WDR88: variants seen among roughly 807,000 people sequenced by gnomAD.
The protein encoded by WDR88 is WD repeat domain 88.
WDR88 carries 40 observed loss-of-function variants against 46.8 expected under a neutral mutation model. The observed-to-expected ratio is 0.86, with a 90% confidence interval of 0.66 to 1.11. WDR88 has a LOEUF of 1.11. WDR88 is among the 50% of genes most tolerant of loss of function. The pLI, the probability that WDR88 is intolerant of heterozygous loss-of-function variation, is 0.00. For synonymous variants in WDR88, 235 were observed against 240.7 expected, an observed-to-expected ratio of 0.98 and a Z score of 0.22; for missense variants, 562 against 602.4, an observed-to-expected ratio of 0.93 and a Z score of 0.70.
chr19:33,147,340 C>T (rs573932347), intron 3 of WDR88, among the ~76,000 whole-genome samples: 3 of 152,146 alleles, frequency 2.0e-5, no homozygotes, highest in South Asian at 4.2e-4. Context: ...CGGTGGTTCA[C>T]GCCTATAATA....
At chr19:33,161,445 TTCACGATC>T (rs1368591676) in intron 8 of WDR88, among the ~76,000 whole-genome samples, 5 of 152,098 alleles carry the variant, frequency 3.3e-5, no homozygotes, top group Admixed American at 6.6e-5. Flanking sequence ...ACTCCCTGGT[TTCACGATC>T]TCACTGTCAC....
intron 9 of WDR88, among the ~76,000 whole-genome samples, chr19:33,169,638 C>T (rs1035318680): frequency 3.1e-5 from 4 of 129,352 alleles, no homozygotes; most frequent in African/African-American, 1.2e-4. Context: ...TTGTGCCTGA[C>T]TGATGGTGAC....
intron 1 of WDR88, among the ~76,000 whole-genome samples, chr19:33,134,735 C>T (rs1041196342): frequency 6.6e-6 from 1 of 152,162 alleles, no homozygotes; most frequent in African/African-American, 2.4e-5. Context: ...CAGCTCTCCA[C>T]GCTCCCTGGC....
chr19:33,172,204 CT>C lies in WDR88; in HGVS notation c.1150-142del. ...ATACTCTGTAGCCTCTTCAGGTTGG[CT>C]TCTATGGCATAACAATGTGCATTGA... On this transcript the variant is annotated intron_variant, in intron 9 of 10. Coordinates refer to ENST00000355868, the MANE Select transcript of WDR88 (RefSeq NM_173479.4). 4.5e-6 allele frequency: 3 copies of C among 660,882 alleles called. No individual in the cohort carries two copies. The South Asian group carries it at 6.1e-5, about 13-fold the overall frequency. The allele number at this position is 660,882 out of a possible 1,614,324, so 40.9% of individuals were successfully genotyped here.
intron 5 of WDR88, 51 bp downstream of exon 5, chr19:33,148,961 C>T: frequency 1.2e-6 from 2 of 1,610,632 alleles, no homozygotes; most frequent in Admixed American, 1.7e-5. Context: ...GGAATAGCCA[C>T]TTGTCACTGA....
chr19:33,154,396 C>T (rs1033797632), intron 6 of WDR88, among the ~76,000 whole-genome samples: 1 of 152,086 alleles, frequency 6.6e-6, no homozygotes, highest in African/African-American at 2.4e-5. Context: ...CCTGACAGGC[C>T]TCAGTGTGTG....
chr19:33,144,774 A>T, intron 2 of WDR88, 70 bp from the exon 3 acceptor site: 5 of 1,421,692 alleles, frequency 3.5e-6, no homozygotes, highest in Non-Finnish European at 4.9e-6. Flanking sequence ...GCTAATGTTG[A>T]CCTCGATTTA....
chr19:33,151,452 A>C (rs1029083718), intron 6 of WDR88, 142 bp downstream of exon 6: 1 of 1,074,536 alleles, frequency 9.3e-7, no homozygotes, highest in Non-Finnish European at 1.3e-6. Flanking sequence ...GGGGACAGGC[A>C]GGCAGGAGGG....
At position 33,151,311 on chromosome 19, in the gene WDR88, G is replaced by A; in HGVS notation, c.809+1G>A. On this transcript the variant is annotated splice_donor_variant, in intron 6 of 10. Coordinates refer to ENST00000355868, the MANE Select transcript of WDR88 (RefSeq NM_173479.4). LOFTEE classifies it high-confidence loss of function. ...AGGCCACGCTGCTCACCATCACTAA[G>A]TGAGTTGGACCCCAGGAGGCCAGAA... 1 of 1,612,354 alleles carries A rather than the reference G, an allele frequency of 6.2e-7. No homozygotes were observed. The highest frequency in any genetic ancestry group is 8.5e-7 in the Non-Finnish European group (1 of 1,179,304).
At chr19:33,150,151 T>C (rs1428112418) in intron 5 of WDR88, among the ~76,000 whole-genome samples, 1 of 152,116 alleles carries the variant, frequency 6.6e-6, no homozygotes, top group Non-Finnish European at 1.5e-5. Context: ...GTGTAATCAT[T>C]GTAAAGACAT....
intron 1 of WDR88, among the ~76,000 whole-genome samples, chr19:33,136,172 C>T (rs1170703347): frequency 1.3e-5 from 2 of 152,068 alleles, no homozygotes; most frequent in Admixed American, 1.3e-4. Context: ...TCTCCTGCCT[C>T]AGCCTCATGA....
intron 2 of WDR88, among the ~76,000 whole-genome samples, chr19:33,141,227 G>GTTTTTTTT (rs745987290): frequency 0.12 from 13,471 of 111,504 alleles, 1,867 homozygotes; most frequent in Admixed American, 0.19. Flanking sequence ...GTGGGAGCAT[G>GTTTTTTTT]TTTTTTTTTT....
In WDR88 at chr19:33,175,377, T is replaced by G; in HGVS notation, c.1243-19T>G. On this transcript the variant is annotated intron_variant, in intron 10 of 10. Transcript: ENST00000355868. ...TGACCAGCACCTCCTTTCTGCTCTTTTAAAATATCCCATGTCAGTGCGAAA... is the reference window on the plus strand; with the variant it reads ...TGACCAGCACCTCCTTTCTGCTCTTGTAAAATATCCCATGTCAGTGCGAAA... 1.2e-6 allele frequency: 2 copies of G among 1,612,916 alleles called. No homozygotes were observed.
rs1973203326 is a variant in WDR88 at position 33,134,262 on chromosome 19, C to A, written c.276+1817C>A. On this transcript the variant is annotated intron_variant, in intron 1 of 10. Coordinates refer to ENST00000355868, the MANE Select transcript of WDR88 (RefSeq NM_173479.4). ...GTGGTGGGGGTAGCGGAATGGTTCC[C>A]CCCTCTTGCTAATGTTTTTCCATGA... Among the ~76,000 whole-genome samples, 3 of 151,902 alleles carry A rather than the reference C, an allele frequency of 2.0e-5. No homozygotes were observed. In the South Asian group the frequency reaches 6.2e-4, roughly 32 times the overall value.
intron 8 of WDR88, among the ~76,000 whole-genome samples, chr19:33,160,952 ACC>A (rs1973854750): frequency 6.6e-6 from 1 of 151,910 alleles, no homozygotes; most frequent in African/African-American, 2.4e-5. Context: ...TGGGCGGATC[ACC>A]TGAGGTCAGG....
At chr19:33,157,639 A>ATG (rs530978497) in intron 7 of WDR88, among the ~76,000 whole-genome samples, 1 of 139,246 alleles carries the variant, frequency 7.2e-6, no homozygotes, top group South Asian at 2.3e-4. Flanking sequence ...ATGTGTATAT[A>ATG]TGTGTGTGTG....
chr19:33,136,265 G>A (rs974793891), intron 1 of WDR88, among the ~76,000 whole-genome samples: 1 of 152,082 alleles, frequency 6.6e-6, no homozygotes, highest in African/African-American at 2.4e-5. Flanking sequence ...ATGTTGGTCA[G>A]GCTGGTCTCA....
intron 8 of WDR88, among the ~76,000 whole-genome samples, chr19:33,161,610 G>T (rs1029497264): frequency 1.3e-5 from 2 of 152,162 alleles, no homozygotes; most frequent in African/African-American, 2.4e-5. Flanking sequence ...GGGAGACAAA[G>T]CGAGTTTCCT....
chr19:33,171,514 A>G (rs1568372767), intron 9 of WDR88, among the ~76,000 whole-genome samples: 1 of 152,054 alleles, frequency 6.6e-6, no homozygotes, highest in Admixed American at 6.6e-5. Flanking sequence ...CAATGTATCC[A>G]TTTTTTTATT....
Sources: allele counts gnomAD v4.1 joint callset (sites outside exome capture counted in the v4.1 genomes callset), GRCh38; gene constraint gnomAD v4.1.1; transcripts MANE v1.5; gene names NCBI Gene and HGNC (gene_info 2026-07-23, HGNC 2026-07-21).